The following MED21 variants were observed in gnomAD, a reference collection of about 807,000 sequenced individuals.
MED21 encodes the protein mediator of RNA polymerase II transcription subunit 21.
A neutral mutation model predicts 18.2 loss-of-function variants in MED21; 9 were observed. The ratio of observed to expected loss-of-function variants is 0.49; its 90% CI spans 0.30 to 0.86. The LOEUF (loss-of-function observed/expected upper bound fraction) is 0.86. MED21 is among the 40% of genes least tolerant of loss of function. The pLI, the probability that MED21 is intolerant of heterozygous loss-of-function variation, is 0.07. For missense variants in MED21, 150 were observed against 170.9 expected (o/e 0.88, Z 0.68); for synonymous variants, 73 against 60.5 (o/e 1.21, Z -0.96).
rs995143065 is a variant in MED21, at chr12:27,027,338, T to A, written c.158-9T>A. On this transcript the variant is annotated splice_polypyrimidine_tract_variant and intron_variant, in intron 2 of 3. Transcript: ENST00000282892. ...TCTAATATCCTAATCTAGCAGTATC[T>A]TTCTCTAGAGTATGCCCAGCTTTTT... 10 of 1,600,296 alleles carry A rather than the reference T, an allele frequency of 6.2e-6. No homozygotes were observed. The highest frequency in any genetic ancestry group is 8.5e-6 in the Non-Finnish European group (10 of 1,171,822).
In MED21 at chr12:27,026,481, T is replaced by G; in HGVS notation, c.104T>G (p.Phe35Cys). 6.2e-7 allele frequency: 1 copy of G among 1,613,972 alleles called. No homozygotes were observed. The change falls in exon 2 of 4, where the codon TTC (phenylalanine) becomes TGC (cysteine). Residue 35 changes from phenylalanine to cysteine, a missense_variant. Phe to Cys is a radical substitution (Grantham distance 205). Coordinates refer to ENST00000282892, the MANE Select transcript of MED21 (RefSeq NM_004264.5). ...VLQQCGPPAS[F>C]NNIQTAINKD... is the part of the protein sequence containing the mutation. ...CAGCAATGTGGTCCTCCTGCCTCTT[T>G]CAATAATATTCAGACAGCAATTAAC... is the stretch of plus-strand genomic sequence containing the variant.
Position 27,022,579 on chromosome 12 carries a change from C to T in MED21, c.-1C>T, listed in dbSNP as rs370627692. 3 of 1,561,412 alleles carry T rather than the reference C, an allele frequency of 1.9e-6. No homozygotes were observed. Among genetic ancestry groups the T allele is most frequent in the African/African-American group, 2.7e-5 (2 of 73,112 alleles). The stretch of plus-strand genomic sequence containing the variant: ...TGGCGTCTGTTTGCTGCGGTAGGAA[C>T]ATGGCGGATCGGCTCACGCAGCTTC... On this transcript the variant is annotated 5_prime_UTR_variant, in exon 1 of 4. Transcript: ENST00000282892.
downstream of MED21, chr12:27,030,686 T>G (rs1941609867): frequency 6.7e-6 from 1 of 149,018 alleles, no homozygotes; most frequent in Non-Finnish European, 1.5e-5. Flanking sequence ...TACAGTTTGC[T>G]TTTTTCATAT....
In MED21 at chr12:27,028,993, A is replaced by G. The variant is rs890467618; in HGVS notation, c.*532A>G. On this transcript the variant is annotated 3_prime_UTR_variant, in exon 4 of 4. Transcript: ENST00000282892. Reference sequence around the variant, plus strand: ...CTGGATAAGAAAGTCACATTTATGCAAATGTTTCTTCTGCTAGAACCTCAT... The same window carrying G: ...CTGGATAAGAAAGTCACATTTATGCGAATGTTTCTTCTGCTAGAACCTCAT... 3 of 985,358 alleles carry G rather than the reference A, an allele frequency of 3.0e-6. No individual in the cohort carries two copies. In the African/African-American group the frequency reaches 5.2e-5, roughly 17 times the overall value. 61.0% of individuals were successfully genotyped at this position (985,358 alleles called of 1,614,324 possible).
chr12:27,034,289 C>T (rs544657588), downstream of MED21, among the ~76,000 whole-genome samples: 141 of 151,918 alleles, frequency 9.3e-4, no homozygotes, highest in African/African-American at 2.9e-3. Context: ...TGGTGGTGGG[C>T]GCCTGTAATC....
intron 2 of MED21, among the ~76,000 whole-genome samples, chr12:27,035,856 A>G (rs10842829): frequency 0.92 from 138,902 of 151,278 alleles, 63,937 homozygotes; most frequent in East Asian, 1. Context: ...CATTTGGGTT[A>G]GTTCCAAGTC....
intron 1 of MED21, among the ~76,000 whole-genome samples, chr12:27,024,981 AC>A (rs1443041231): frequency 6.6e-6 from 1 of 152,154 alleles, no homozygotes; most frequent in African/African-American, 2.4e-5. Flanking sequence ...CCCTCTGAAA[AC>A]CGTGAGTGCA....
In MED21 at chr12:27,030,169, G is replaced by C; in HGVS notation, c.*1708G>C. 1 of 649,360 alleles carries C rather than the reference G, an allele frequency of 1.5e-6. No homozygotes were observed. Among genetic ancestry groups the C allele is most frequent in the Non-Finnish European group, 2.8e-6 (1 of 353,582 alleles). The allele number at this position is 649,360 out of a possible 1,614,324, so 40.2% of individuals were successfully genotyped here. A position where few individuals can be genotyped will look rare whatever the true frequency, so the allele number is the denominator to read the frequency against. On this transcript the variant is annotated 3_prime_UTR_variant, in exon 4 of 4. Coordinates refer to ENST00000282892, the MANE Select transcript of MED21 (RefSeq NM_004264.5). Reference sequence around the variant, plus strand: ...TCTGTTTTTTTAAGGTGAAGTCTCTGTCACCCAAGCTGAAGTGCAGTTCTG... The same window carrying C: ...TCTGTTTTTTTAAGGTGAAGTCTCTCTCACCCAAGCTGAAGTGCAGTTCTG...
chr12:27,028,204 C>T, intron 3 of MED21, 81 bp from the exon 4 acceptor site: 17 of 1,434,784 alleles, frequency 1.2e-5, no homozygotes, highest in Non-Finnish European at 1.4e-5. Flanking sequence ...ATTGCAAAGT[C>T]ATCCAGATTT....
chr12:27,023,328 CAG>C (rs1187430545), intron 1 of MED21, among the ~76,000 whole-genome samples: 1 of 59,322 alleles, frequency 1.7e-5, no homozygotes, highest in Non-Finnish European at 2.9e-5. Context: ...ACTTTGGAGA[CAG>C]TGCCTTTCGC....
chr12:27,023,300 C>CTTTTCTTTTTTTTT (rs1555110746), intron 1 of MED21, among the ~76,000 whole-genome samples: 2 of 110,438 alleles, frequency 1.8e-5, no homozygotes, highest in African/African-American at 7.2e-5. Flanking sequence ...TTTTTCTTTT[C>CTTTTCTTTTTTTTT]TTTTTTTTTT....
chr12:27,031,890 GGTCA>G (rs1437841504), downstream of MED21, among the ~76,000 whole-genome samples: 1 of 152,164 alleles, frequency 6.6e-6, no homozygotes, highest in Admixed American at 6.5e-5. Flanking sequence ...GTTAAGTCCA[GGTCA>G]GCCAAGGCGT....
At chr12:27,035,029 G>A (rs927395194), downstream of MED21, among the ~76,000 whole-genome samples, 10 of 152,316 alleles carry the variant, frequency 6.6e-5, no homozygotes, top group South Asian at 4.1e-4. Context: ...TGGGATTACA[G>A]GCGTGAGCAA....
In MED21 at chr12:27,029,009, A is replaced by G. The variant is rs1941581829; in HGVS notation, c.*548A>G. The G allele has an allele frequency of 1.0e-6, 1 of 985,378 alleles. No individual in the cohort carries two copies. Among genetic ancestry groups the G allele is most frequent in the African/African-American group, 1.7e-5 (1 of 57,248 alleles). The allele number at this position is 985,378 out of a possible 1,614,324, so 61.0% of individuals were successfully genotyped here. A position where few individuals can be genotyped will look rare whatever the true frequency, so the allele number is the denominator to read the frequency against. On this transcript the variant is annotated 3_prime_UTR_variant, in exon 4 of 4. Transcript: ENST00000282892. Reference sequence around the variant, plus strand: ...CATTTATGCAAATGTTTCTTCTGCTAGAACCTCATACCTGTTCTAGTTCAT... The same window carrying G: ...CATTTATGCAAATGTTTCTTCTGCTGGAACCTCATACCTGTTCTAGTTCAT...
rs773269437 is a variant in MED21 at position 27,022,558 on chromosome 12, G to A, written c.-22G>A. ...GTCGCGGAAGAGCAGCTGTTTTGGC[G>A]TCTGTTTGCTGCGGTAGGAACATGG... On this transcript the variant is annotated 5_prime_UTR_variant, in exon 1 of 4. Coordinates refer to ENST00000282892, the MANE Select transcript of MED21 (RefSeq NM_004264.5). The A allele has an allele frequency of 3.9e-6, 6 of 1,533,396 alleles. No homozygotes were observed. Among genetic ancestry groups the A allele is most frequent in the Non-Finnish European group, 5.3e-6 (6 of 1,134,006 alleles). 95.0% of individuals were successfully genotyped at this position (1,533,396 alleles called of 1,614,324 possible).
At chr12:27,037,434 C>T (rs991331854) in intron 2 of MED21, 2 of 151,938 alleles carry the variant, frequency 1.3e-5, no homozygotes, top group Admixed American at 6.6e-5. Flanking sequence ...CCCTTTATTT[C>T]CTTATCCTGC....
chr12:27,027,704 G>A (rs1941563825), intron 3 of MED21, among the ~76,000 whole-genome samples: 1 of 152,104 alleles, frequency 6.6e-6, no homozygotes. Flanking sequence ...CATGTTGAGG[G>A]CCTTCTTCCT....
intron 1 of MED21, among the ~76,000 whole-genome samples, 189 bp from the exon 2 acceptor site, chr12:27,026,231 C>A (rs991403746): frequency 1.3e-5 from 2 of 152,194 alleles, no homozygotes; most frequent in Non-Finnish European, 2.9e-5. Context: ...AACTTAGTTT[C>A]TTTGCAGAAT....
At chr12:27,034,746 C>A (rs959807536), downstream of MED21, among the ~76,000 whole-genome samples, 1 of 152,036 alleles carries the variant, frequency 6.6e-6, no homozygotes, top group East Asian at 1.9e-4. Context: ...CGATTTGACT[C>A]AATAGTCAAA....
Sources: gnomAD v4.1 joint callset for allele counts (sites outside exome capture counted in the v4.1 genomes callset) on GRCh38, gnomAD v4.1.1 for gene constraint, MANE v1.5 for transcripts, NCBI Gene and HGNC (gene_info 2026-07-23, HGNC 2026-07-21) for gene names.